Variants in RBM4 observed in about 807,000 individuals in gnomAD.
The protein encoded by RBM4 is RNA binding motif protein 4, also known as RNA-binding protein 4.
A neutral mutation model predicts 29.5 loss-of-function variants in RBM4; 7 were observed. The ratio of observed to expected loss-of-function variants is 0.24; its 90% CI spans 0.14 to 0.45. The LOEUF (loss-of-function observed/expected upper bound fraction) is 0.45. RBM4 is among the 20% of genes least tolerant of loss of function. RBM4 has a pLI of 1.00. For missense variants in RBM4, 387 were observed against 502.3 expected, an observed-to-expected ratio of 0.77 and a Z score of 2.19; for synonymous variants, 220 against 205.4, an observed-to-expected ratio of 1.07 and a Z score of -0.61.
At chr11:66,661,480 T>A (rs1031673647) in intron 2 of RBM4, among the ~76,000 whole-genome samples, 1 of 152,158 alleles carries the variant, frequency 6.6e-6, no homozygotes, top group African/African-American at 2.4e-5. Context: ...GGGCCTAGTG[T>A]CTTTCTGTGC....
chr11:66,639,461 A>G (rs1666376047), intron 1 of RBM4: 3 of 570,102 alleles, frequency 5.3e-6, no homozygotes, highest in South Asian at 2.4e-5. Context: ...GTTCTTACCA[A>G]ACCCTTTGTC....
At chr11:66,644,985 C>T (rs1040652546) in intron 3 of RBM4, among the ~76,000 whole-genome samples, 2 of 151,158 alleles carry the variant, frequency 1.3e-5, no homozygotes, top group African/African-American at 2.4e-5. Flanking sequence ...CATCTACTTT[C>T]TCAGGGTATA....
At chr11:66,665,996 A>C in exon 3 of RBM4, 1 of 1,470,196 alleles carries the variant, frequency 6.8e-7, no homozygotes. Flanking sequence ...GCACTATTCT[A>C]AATGTGTTTT....
intron 2 of RBM4, among the ~76,000 whole-genome samples, chr11:66,661,324 C>T (rs1464180145): frequency 6.6e-6 from 1 of 152,182 alleles, no homozygotes; most frequent in African/African-American, 2.4e-5. Context: ...CAGGTGACTT[C>T]CTGAGGACCA....
chr11:66,649,649 C>T (rs929915006), downstream of RBM4: 2 of 651,734 alleles, frequency 3.1e-6, no homozygotes, highest in Middle Eastern at 2.4e-4. Context: ...GAGTGGAAGC[C>T]ACATAGTTGG....
intron 2 of RBM4, among the ~76,000 whole-genome samples, chr11:66,657,221 CT>C (rs1938966969): frequency 6.8e-6 from 1 of 147,536 alleles, no homozygotes; most frequent in Non-Finnish European, 1.5e-5. Context: ...CTGAAGCGGT[CT>C]TCCCATCTCA....
At chr11:66,657,106 G>GT (rs1366168389) in intron 2 of RBM4, among the ~76,000 whole-genome samples, 8 of 118,032 alleles carry the variant, frequency 6.8e-5, no homozygotes, top group African/African-American at 1.3e-4. Context: ...CAATTTTTTA[G>GT]TCTTTTTTTT....
At chr11:66,660,351 CTT>C (rs56839505) in intron 2 of RBM4, among the ~76,000 whole-genome samples, 8 of 127,558 alleles carry the variant, frequency 6.3e-5, no homozygotes, top group Non-Finnish European at 1.7e-5. Context: ...GGGAGTCTCT[CTT>C]TTTTTTTTTT....
At chr11:66,647,131 C>T (rs1206773131), downstream of RBM4, among the ~76,000 whole-genome samples, 1 of 152,194 alleles carries the variant, frequency 6.6e-6, no homozygotes, top group African/African-American at 2.4e-5. Context: ...TCACGTTTTT[C>T]TTGAAACAGT....
At chr11:66,666,116 T>A in exon 3 of RBM4, 1 of 788,774 alleles carries the variant, frequency 1.3e-6, no homozygotes, top group Non-Finnish European at 1.9e-6. Context: ...CATGTCACAC[T>A]GTCACAGAGT....
chr11:66,662,400 ATTTAT>A (rs1009451779), intron 2 of RBM4, among the ~76,000 whole-genome samples: 1 of 151,836 alleles, frequency 6.6e-6, no homozygotes, highest in Non-Finnish European at 1.5e-5. Flanking sequence ...AGATACTTTT[ATTTAT>A]TTATTTATTT....
In RBM4 at chr11:66,643,359, G is replaced by A; in HGVS notation, c.413-91G>A. 2.7e-6 allele frequency: 4 copies of A among 1,466,566 alleles called. No homozygotes were observed. The highest frequency in any genetic ancestry group is 2.7e-6 in the Non-Finnish European group (3 of 1,091,780). The allele number at this position is 1,466,566 out of a possible 1,614,324, so 90.8% of individuals were successfully genotyped here. ...ATGAGTCCTGCATTAGAATTGTCTAGATAAAGCCATTGCTATGACCAGTGT... is the reference window on the plus strand; with the variant it reads ...ATGAGTCCTGCATTAGAATTGTCTAAATAAAGCCATTGCTATGACCAGTGT... On this transcript the variant is annotated intron_variant, in intron 2 of 3. Coordinates refer to ENST00000310092, the MANE Select transcript of RBM4 (RefSeq NM_002896.4). This position sits in a 1 kb window ranked among gnomAD's most constrained non-coding sequence, Gnocchi z 6.1.
chr11:66,654,634 T>C (rs2135083246), intron 2 of RBM4, among the ~76,000 whole-genome samples: 1 of 151,214 alleles, frequency 6.6e-6, no homozygotes, highest in South Asian at 2.1e-4. Flanking sequence ...CCTGGGTAGC[T>C]GGGACTACAG....
At position 66,666,098 on chromosome 11, in the gene RBM4, C is replaced by T. The variant is rs879175530; in HGVS notation, c.*133C>T. 19 of 861,824 alleles carry T rather than the reference C, an allele frequency of 2.2e-5. No individual in the cohort carries two copies. In the South Asian group the frequency reaches 3.4e-4, roughly 16 times the overall value. 53.4% of individuals were successfully genotyped at this position (861,824 alleles called of 1,614,324 possible). On this transcript the variant is annotated 3_prime_UTR_variant, in exon 3 of 3. Transcript: ENST00000396053. Reference sequence around the variant, plus strand: ...CAGCCAGTCATTCACCCAATTCCAACACACCTACATGTCACACTGTCACAG... The same window carrying T: ...CAGCCAGTCATTCACCCAATTCCAATACACCTACATGTCACACTGTCACAG...
chr11:66,655,658 G>T (rs1272692709), intron 2 of RBM4, among the ~76,000 whole-genome samples: 1 of 152,212 alleles, frequency 6.6e-6, no homozygotes, highest in Non-Finnish European at 1.5e-5. Context: ...TGGGGGAAAA[G>T]TACGCCAGGT....
intron 2 of RBM4, among the ~76,000 whole-genome samples, chr11:66,652,116 T>A (rs990247892): frequency 1.3e-5 from 2 of 151,604 alleles, no homozygotes; most frequent in African/African-American, 4.9e-5. Context: ...AATGAAAAAA[T>A]TTTTTTTTTT....
intron 2 of RBM4, among the ~76,000 whole-genome samples, chr11:66,662,682 C>T (rs1192739540): frequency 6.6e-6 from 1 of 152,156 alleles, no homozygotes; most frequent in Non-Finnish European, 1.5e-5. Flanking sequence ...GGATTACAGG[C>T]GTGAGTCACG....
downstream of RBM4, among the ~76,000 whole-genome samples, chr11:66,647,762 C>T (rs141139742): frequency 4.9e-3 from 753 of 152,224 alleles, 9 homozygotes; most frequent in African/African-American, 0.017. Flanking sequence ...GCGATACATA[C>T]GGTTCTGGAG....
downstream of RBM4, chr11:66,649,956 A>G (rs1025444995): frequency 3.8e-6 from 2 of 529,194 alleles, no homozygotes; most frequent in South Asian, 2.7e-5. Flanking sequence ...CATTCTGTCT[A>G]GTAAATGTCT....
Sources: allele counts gnomAD v4.1 joint callset (sites outside exome capture counted in the v4.1 genomes callset), GRCh38; gene constraint gnomAD v4.1.1; non-coding constraint Gnocchi (gnomAD v3.1); transcripts MANE v1.5; gene names NCBI Gene and HGNC (gene_info 2026-07-23, HGNC 2026-07-21).